The following RBPJ variants were observed in gnomAD, a reference collection of about 807,000 sequenced individuals.
RBPJ encodes recombining binding protein suppressor of hairless.
In RBPJ, 9 loss-of-function variants were observed where a neutral mutation model predicts 67.8. The observed-to-expected ratio is 0.13, with a 90% CI of 0.08 to 0.23. The LOEUF (loss-of-function observed/expected upper bound fraction) is 0.23. Ranked by LOEUF, RBPJ falls within the 10% of genes least tolerant of loss-of-function variation. The pLI, the probability that RBPJ is intolerant of heterozygous loss-of-function variation, is 1.00. For synonymous variants in RBPJ, 198 were observed against 203.3 expected, an observed-to-expected ratio of 0.97 and a Z score of 0.22; for missense variants, 305 against 595.6, an observed-to-expected ratio of 0.51 and a Z score of 5.08.
chr4:26,201,769 C>T (rs974884197), intron 1 of RBPJ, among the ~76,000 whole-genome samples: 3 of 152,238 alleles, frequency 2.0e-5, no homozygotes, highest in African/African-American at 7.2e-5. Context: ...GCCCTCCACT[C>T]AAAAGAGCCA....
At chr4:26,121,708 G>A in the RBPJ span, among the ~76,000 whole-genome samples, 1 of 152,066 alleles carries the variant, frequency 6.6e-6, no homozygotes, top group Non-Finnish European at 1.5e-5. Flanking sequence ...GTTCACATAG[G>A]TATTGTGATG....
chr4:26,255,564 A>G (rs1322844192), intron 1 of RBPJ, among the ~76,000 whole-genome samples: 4 of 151,172 alleles, frequency 2.6e-5, no homozygotes, highest in Non-Finnish European at 5.9e-5. Flanking sequence ...GCACTTTGGG[A>G]GGCCAAGGCG....
chr4:26,416,259 C>CA (rs1560338640), intron 4 of RBPJ, among the ~76,000 whole-genome samples: 1 of 151,548 alleles, frequency 6.6e-6, no homozygotes, highest in Admixed American at 6.6e-5. Context: ...CAATCTAGAT[C>CA]TTTTTTTTTC....
At chr4:26,121,085 G>A in the RBPJ span, among the ~76,000 whole-genome samples, 3 of 147,134 alleles carry the variant, frequency 2.0e-5, 1 homozygote, top group African/African-American at 7.4e-5. Context: ...AGTAACTGAA[G>A]CAGCAATTTA....
intron 1 of RBPJ, among the ~76,000 whole-genome samples, chr4:26,206,396 C>G (rs530696636): frequency 2.6e-5 from 4 of 152,148 alleles, no homozygotes; most frequent in Non-Finnish European, 5.9e-5. Flanking sequence ...TATTCCTCCC[C>G]CTCCCAGGAG....
chr4:26,356,810 T>C, intron 1 of RBPJ, among the ~76,000 whole-genome samples: 1 of 152,216 alleles, frequency 6.6e-6, no homozygotes, highest in East Asian at 1.9e-4. Flanking sequence ...GACCAGACAC[T>C]TAGAAGTGAA....
chr4:26,333,568 T>G (rs1724476904), intron 1 of RBPJ, among the ~76,000 whole-genome samples: 1 of 152,210 alleles, frequency 6.6e-6, no homozygotes, highest in Non-Finnish European at 1.5e-5. Context: ...AAAAATTTTT[T>G]TTTTGAGATG....
intron 1 of RBPJ, among the ~76,000 whole-genome samples, chr4:26,296,248 A>G (rs144955376): frequency 6.6e-6 from 1 of 152,352 alleles, no homozygotes; most frequent in African/African-American, 2.4e-5. Context: ...TTACAGGAAC[A>G]CAAGGCTGTT....
intron 2 of RBPJ, among the ~76,000 whole-genome samples, chr4:26,405,638 G>A (rs375533753): frequency 1.7e-4 from 26 of 151,734 alleles, no homozygotes; most frequent in East Asian, 5.8e-4. Flanking sequence ...TTATGTATTC[G>A]TATGTGAACT....
intron 1 of RBPJ, among the ~76,000 whole-genome samples, chr4:26,171,581 A>G (rs1716586965): frequency 6.6e-6 from 1 of 152,198 alleles, no homozygotes; most frequent in Non-Finnish European, 1.5e-5. Flanking sequence ...CAAGAAATGT[A>G]TAGTTAGCAT....
In RBPJ at chr4:26,292,623, T is replaced by C. The variant is rs1440638408; in HGVS notation, c.-166-69823T>C. Among the ~76,000 whole-genome samples the C allele has an allele frequency of 2.7e-5, 4 of 150,226 alleles. 1 individual carries two copies. Among genetic ancestry groups the C allele is most frequent in the African/African-American group, 7.4e-5 (3 of 40,748 alleles). ...TTTTAGTAGAGACGAGGTTTCACCA[T>C]GTTGGCCAGGCTGGTCTCAAACTCC... On this transcript the variant is annotated intron_variant, in intron 1 of 4. Coordinates refer to the RBPJ transcript ENST00000512351.
intron 1 of RBPJ, among the ~76,000 whole-genome samples, chr4:26,322,700 G>T (rs544525444): frequency 6.6e-6 from 1 of 151,778 alleles, no homozygotes; most frequent in Non-Finnish European, 1.5e-5. Context: ...ATAGCCTGTA[G>T]TGAGATTATT....
intron 5 of RBPJ, among the ~76,000 whole-genome samples, chr4:26,423,413 G>A (rs538710454): frequency 2.6e-5 from 4 of 152,190 alleles, no homozygotes; most frequent in Non-Finnish European, 5.9e-5. Flanking sequence ...TGATGACGGG[G>A]CTCAAGGACA....
At chr4:26,390,992 G>GGCT (rs1731439977) in intron 2 of RBPJ, among the ~76,000 whole-genome samples, 2 of 152,304 alleles carry the variant, frequency 1.3e-5, no homozygotes, top group Non-Finnish European at 2.9e-5. Context: ...AGGAGGTTAA[G>GGCT]GCTGCTGTAA....
chr4:26,244,794 C>T (rs1164096023), intron 1 of RBPJ, among the ~76,000 whole-genome samples: 3 of 151,774 alleles, frequency 2.0e-5, no homozygotes, highest in African/African-American at 7.3e-5. Context: ...GCCCACACAC[C>T]CGGCTAATTT....
chr4:26,384,742 T>C (rs1033675370), intron 1 of RBPJ: 1 of 151,772 alleles, frequency 6.6e-6, no homozygotes. Flanking sequence ...TATTATTGAG[T>C]ATTTACTGTG....
chr4:26,265,192 T>G (rs879849653), intron 1 of RBPJ, among the ~76,000 whole-genome samples: 12 of 152,166 alleles, frequency 7.9e-5, no homozygotes, highest in African/African-American at 2.7e-4. Flanking sequence ...TGTCTTACCA[T>G]GCATATAAAG....
upstream of RBPJ, among the ~76,000 whole-genome samples, chr4:26,162,645 G>C (rs1184173350): frequency 6.6e-6 from 1 of 152,196 alleles, no homozygotes; most frequent in Non-Finnish European, 1.5e-5. Context: ...GAGACATAGA[G>C]AGGTTAAATA....
At chr4:26,379,797 A>T (rs1024671225) in intron 1 of RBPJ, among the ~76,000 whole-genome samples, 3 of 152,200 alleles carry the variant, frequency 2.0e-5, no homozygotes, top group Non-Finnish European at 2.9e-5. Context: ...GCTGGTCTTG[A>T]ACTCTTGGCT....
Sources: allele counts gnomAD v4.1 joint callset (sites outside exome capture counted in the v4.1 genomes callset), GRCh38; gene constraint gnomAD v4.1.1; transcripts MANE v1.5; gene names NCBI Gene and HGNC (gene_info 2026-07-23, HGNC 2026-07-21).